TLR6: variants seen among roughly 807,000 people sequenced by gnomAD.
The protein encoded by TLR6 is toll like receptor 6.
A neutral mutation model predicts 16.1 loss-of-function variants in TLR6; 9 were observed. The ratio of observed to expected loss-of-function variants is 0.56; its 90% CI spans 0.34 to 0.98. TLR6 has a LOEUF of 0.98. Ranked by LOEUF, TLR6 falls within the 50% of genes least tolerant of loss-of-function variation. TLR6 has a pLI of 0.02. For synonymous variants in TLR6, 340 were observed against 338.6 expected, an observed-to-expected ratio of 1.00 and a Z score of -0.04; for missense variants, 786 against 921.0, an observed-to-expected ratio of 0.85 and a Z score of 1.90.
At chr4:38,854,486 C>A (rs1450781408) in intron 1 of TLR6, among the ~76,000 whole-genome samples, 2 of 151,738 alleles carry the variant, frequency 1.3e-5, no homozygotes, top group African/African-American at 2.4e-5. Flanking sequence ...GGAAGGGGGT[C>A]AAAGGAGGAC....
At chr4:38,829,058 C>T (rs772521395) in exon 2 of TLR6, 68 of 1,614,048 alleles carry the variant, frequency 4.2e-5, no homozygotes, top group Admixed American at 5.0e-5. Context: ...AAATTCCTTA[C>T]AGATGGGCAG....
intron 1 of TLR6, among the ~76,000 whole-genome samples, chr4:38,830,472 G>A (rs1360262120): frequency 6.6e-6 from 1 of 152,162 alleles, no homozygotes; most frequent in African/African-American, 2.4e-5. Flanking sequence ...CCCAGAACTT[G>A]GGGAGGGCAA....
chr4:38,864,758 T>A, the TLR6 span, among the ~76,000 whole-genome samples: 4 of 152,214 alleles, frequency 2.6e-5, no homozygotes, highest in African/African-American at 9.7e-5. Context: ...ACACCTGTAG[T>A]CCCAGTACTT....
exon 2 of TLR6, chr4:38,829,473 T>G: frequency 6.2e-7 from 1 of 1,602,680 alleles, no homozygotes; most frequent in South Asian, 1.1e-5. Flanking sequence ...TCTTTGGTCA[T>G]GATGTTGCAG....
At chr4:38,844,349 A>G (rs1462328119) in intron 1 of TLR6, among the ~76,000 whole-genome samples, 1 of 152,250 alleles carries the variant, frequency 6.6e-6, no homozygotes, top group African/African-American at 2.4e-5. Flanking sequence ...TATACTGGTT[A>G]TATGGTCAAA....
At chr4:38,832,382 C>G (rs1290881917) in intron 1 of TLR6, among the ~76,000 whole-genome samples, 1 of 152,140 alleles carries the variant, frequency 6.6e-6, no homozygotes, top group African/African-American at 2.4e-5. Flanking sequence ...TAGCTCAGAA[C>G]CAGGAGGAAC....
At chr4:38,833,498 C>T (rs1392470035) in intron 1 of TLR6, among the ~76,000 whole-genome samples, 1 of 152,168 alleles carries the variant, frequency 6.6e-6, no homozygotes, top group African/African-American at 2.4e-5. Flanking sequence ...AGAATCAAAG[C>T]CAAAGCACCC....
At chr4:38,842,511 G>A (rs1712323852) in intron 1 of TLR6, among the ~76,000 whole-genome samples, 1 of 152,188 alleles carries the variant, frequency 6.6e-6, no homozygotes, top group African/African-American at 2.4e-5. Flanking sequence ...AAAGAGGGGT[G>A]GGACTAAAAT....
exon 2 of TLR6, chr4:38,828,296 A>G (rs780020173): frequency 1.8e-5 from 29 of 1,613,526 alleles, no homozygotes; most frequent in Non-Finnish European, 2.4e-5. Context: ...ACCTACTTTG[A>G]AAAGGTCTTT....
intron 1 of TLR6, among the ~76,000 whole-genome samples, chr4:38,854,784 C>T (rs535885227): frequency 2.4e-4 from 37 of 152,082 alleles, no homozygotes; most frequent in African/African-American, 8.2e-4. Context: ...TATAAGGATA[C>T]TCATGACATA....
intron 1 of TLR6, among the ~76,000 whole-genome samples, chr4:38,837,084 G>C (rs1025628628): frequency 3.3e-5 from 5 of 152,034 alleles, no homozygotes; most frequent in African/African-American, 1.2e-4. Context: ...GAAAGAAATT[G>C]AGAACACAAA....
At chr4:38,844,537 T>C (rs569244300) in intron 1 of TLR6, among the ~76,000 whole-genome samples, 27 of 146,310 alleles carry the variant, frequency 1.8e-4, no homozygotes, top group Non-Finnish European at 3.5e-4. Flanking sequence ...AAAACATATA[T>C]GGAAATTTGA....
intron 1 of TLR6, among the ~76,000 whole-genome samples, chr4:38,836,135 G>A (rs1293563834): frequency 6.6e-6 from 1 of 151,648 alleles, no homozygotes; most frequent in African/African-American, 2.4e-5. Flanking sequence ...CTAAAGCTCA[G>A]AGAACTAAAC....
the TLR6 span, among the ~76,000 whole-genome samples, chr4:38,865,118 C>T: frequency 2.2e-4 from 33 of 152,122 alleles, no homozygotes; most frequent in African/African-American, 6.3e-4. Flanking sequence ...CAAACATATC[C>T]GTAACATTTT....
At chr4:38,830,437 C>T (rs1022409690) in intron 1 of TLR6, among the ~76,000 whole-genome samples, 8 of 152,092 alleles carry the variant, frequency 5.3e-5, no homozygotes, top group Admixed American at 1.3e-4. Context: ...AAGGGAGGCC[C>T]GGCACAGTGG....
chr4:38,851,743 C>G (rs1579260414), intron 1 of TLR6, among the ~76,000 whole-genome samples: 1 of 151,546 alleles, frequency 6.6e-6, no homozygotes, highest in East Asian at 1.9e-4. Context: ...AAAGAGGACA[C>G]AAACAAACAT....
At chr4:38,858,810 A>AGG (rs1713108347), upstream of TLR6, among the ~76,000 whole-genome samples, 4 of 112,206 alleles carry the variant, frequency 3.6e-5, no homozygotes, top group African/African-American at 1.6e-4. Flanking sequence ...AGAGAGAGAG[A>AGG]GAGGGAGAGA....
upstream of TLR6, among the ~76,000 whole-genome samples, chr4:38,858,680 A>G (rs1560274384): frequency 6.6e-6 from 1 of 150,934 alleles, no homozygotes; most frequent in Non-Finnish European, 1.5e-5. Flanking sequence ...AGATTGTGCC[A>G]CTGCACTTCA....
chr4:38,836,050 C>T (rs183421362), intron 1 of TLR6, among the ~76,000 whole-genome samples: 147 of 151,956 alleles, frequency 9.7e-4, no homozygotes, highest in African/African-American at 3.3e-3. Flanking sequence ...AACCTAACAA[C>T]GAACCTCAAG....
Sources: gnomAD v4.1 joint callset for allele counts (sites outside exome capture counted in the v4.1 genomes callset) on GRCh38, gnomAD v4.1.1 for gene constraint, MANE v1.5 for transcripts, NCBI Gene and HGNC (gene_info 2026-07-23, HGNC 2026-07-21) for gene names.